SLC45A1: variants seen among roughly 807,000 people sequenced by gnomAD.
The protein encoded by SLC45A1 is solute carrier family 45 member 1, also known as proton-associated sugar transporter A.
Under a neutral mutation model 57.6 loss-of-function variants are expected in SLC45A1, and 28 were observed. That is an observed-to-expected ratio of 0.49 (90% CI 0.36 to 0.67). SLC45A1 has a LOEUF of 0.67. Among genes scored for constraint, SLC45A1 ranks in the 30% least tolerant of loss-of-function variants. The pLI is 0.00. For missense variants in SLC45A1, 814 were observed against 1,041.5 expected (o/e 0.78, Z 3.01); for synonymous variants, 459 against 471.5 (o/e 0.97, Z 0.34).
In SLC45A1 at chr1:8,335,576, T is replaced by A; in HGVS notation, c.1583T>A (p.Val528Asp). The A allele has an allele frequency of 6.2e-7, 1 of 1,603,572 alleles. No homozygotes were observed. The highest frequency in any genetic ancestry group is 8.5e-7 in the Non-Finnish European group (1 of 1,177,676). ...CCCAAGGCGCTACGCACCCTCTGCGTCAACCACTTCCTGGGTGAGCTCCCG... is the reference window on the plus strand; with the variant it reads ...CCCAAGGCGCTACGCACCCTCTGCGACAACCACTTCCTGGGTGAGCTCCCG... ...NMPKALRTLC[V>D]NHFLGWLSFE... The change falls in exon 6 of 9, where the codon GTC (valine) becomes GAC (aspartate). Residue 528 changes from valine to aspartate, a missense_variant. Transcript: ENST00000471889. The surrounding 1 kb of genome is among the most constrained non-coding windows in gnomAD (Gnocchi z 4.1).
intron 8 of SLC45A1, among the ~76,000 whole-genome samples, chr1:8,341,979 G>A (rs910067687): frequency 5.3e-5 from 8 of 152,118 alleles, no homozygotes; most frequent in African/African-American, 4.8e-5. Flanking sequence ...AGGCCAAGGA[G>A]GGTGGATCAC....
chr1:8,342,951 G>A (rs6690548), intron 8 of SLC45A1, among the ~76,000 whole-genome samples: 20,061 of 151,748 alleles, frequency 0.13, 1,911 homozygotes, highest in Non-Finnish European at 0.2. Flanking sequence ...ATGTGACCTG[G>A]ATTACTGAGT....
At chr1:8,340,456 C>A (rs181662030) in intron 8 of SLC45A1, among the ~76,000 whole-genome samples, 1 of 152,284 alleles carries the variant, frequency 6.6e-6, no homozygotes, top group Admixed American at 6.5e-5. Flanking sequence ...GCCACCGCAC[C>A]CAGCCCAAAA....
chr1:8,337,752 G>A, intron 6 of SLC45A1, 64 bp from the exon 7 acceptor site: 9 of 1,479,234 alleles, frequency 6.1e-6, no homozygotes, highest in Non-Finnish European at 8.3e-6. Flanking sequence ...ACGCATGTTG[G>A]TTAGAGAAAG....
At chr1:8,342,329 G>A (rs1028717336) in intron 8 of SLC45A1, among the ~76,000 whole-genome samples, 5 of 152,106 alleles carry the variant, frequency 3.3e-5, no homozygotes, top group East Asian at 1.9e-4. Context: ...TGCACCGTTC[G>A]GCGGTTTCAG....
rs1373303473 is a variant in SLC45A1, at chr1:8,343,204, C to T, written c.1981-543C>T. ...TGAGGGAAAGCCATGCCACCGCTCC[C>T]CACCGTCACTCTGCACAGACCACAC... On this transcript the variant is annotated intron_variant, in intron 8 of 8. Coordinates refer to ENST00000471889, the MANE Select transcript of SLC45A1 (RefSeq NM_001080397.3). The surrounding 1 kb of genome is among the most constrained non-coding windows in gnomAD (Gnocchi z 7.7). 6.6e-6 allele frequency among the ~76,000 whole-genome samples: 1 copy of T among 152,128 alleles called. No individual in the cohort carries two copies. Among genetic ancestry groups the T allele is most frequent in the Non-Finnish European group, 1.5e-5 (1 of 68,022 alleles).
Position 8,325,242 on chromosome 1 carries a change from A to G in SLC45A1, c.398-56A>G. ...CTTCAGGAATGTGGAGGCTGATTCG[A>G]TGTCCCCATGTGCCATGGGGACCCT... is the stretch of plus-strand genomic sequence containing the variant. On this transcript the variant is annotated intron_variant, in intron 2 of 8. Transcript: ENST00000471889. This position sits in a 1 kb window ranked among gnomAD's most constrained non-coding sequence, Gnocchi z 6.3. The G allele has an allele frequency of 9.0e-7, 1 of 1,112,558 alleles. No individual in the cohort carries two copies. The highest frequency in any genetic ancestry group is 1.4e-6 in the Non-Finnish European group (1 of 732,114). The allele number at this position is 1,112,558 out of a possible 1,614,324, so 68.9% of individuals were successfully genotyped here. A position where few individuals can be genotyped will look rare whatever the true frequency, so the allele number is the denominator to read the frequency against.
intron 5 of SLC45A1, among the ~76,000 whole-genome samples, chr1:8,331,204 C>T (rs947446009): frequency 2.0e-5 from 3 of 151,950 alleles, no homozygotes; most frequent in South Asian, 2.1e-4. Flanking sequence ...GGCGAAACCC[C>T]GTCTCTACTT....
At chr1:8,338,684 C>T (rs1025025295) in intron 7 of SLC45A1, among the ~76,000 whole-genome samples, 6 of 152,252 alleles carry the variant, frequency 3.9e-5, no homozygotes, top group East Asian at 1.9e-4. Context: ...GCGTGCCAAG[C>T]GCCAATCAAA....
chr1:8,333,441 T>C (rs976799030), intron 5 of SLC45A1, among the ~76,000 whole-genome samples: 2 of 151,720 alleles, frequency 1.3e-5, no homozygotes, highest in African/African-American at 2.4e-5. Context: ...CCGGCCTTGT[T>C]TGGTTTTGTT....
rs1348420719 is a variant in SLC45A1 at position 8,335,303 on chromosome 1, C to A, written c.1444-134C>A. 1 of 854,204 alleles carries A rather than the reference C, an allele frequency of 1.2e-6. No homozygotes were observed. Among genetic ancestry groups the A allele is most frequent in the Non-Finnish European group, 1.7e-6 (1 of 583,652 alleles). The allele number at this position is 854,204 out of a possible 1,614,324, so 52.9% of individuals were successfully genotyped here. ...GGTTGGCGTCGACACGGGGCTCATG[C>A]CGTCAGATAAGAAGACAGACCCTTG... On this transcript the variant is annotated intron_variant, in intron 5 of 8. Coordinates refer to ENST00000471889, the MANE Select transcript of SLC45A1 (RefSeq NM_001080397.3). This position sits in a 1 kb window ranked among gnomAD's most constrained non-coding sequence, Gnocchi z 4.1.
In SLC45A1 at chr1:8,339,683, C is replaced by T. The variant is rs1398968682; in HGVS notation, c.1965C>T (p.Tyr655=). ...TGCCTTACTCGCTGCTCTGCGATTA[C>T]TATCAGAGTAAGAAGGTAAGTGCTC... ...CTLPYSLLCD[Y]YQSKKFAGSS... The change falls in exon 8 of 9, where the codon TAC becomes TAT. Residue 655 remains tyrosine, a synonymous_variant. Coordinates refer to ENST00000471889, the MANE Select transcript of SLC45A1 (RefSeq NM_001080397.3). 2 of 1,614,064 alleles carry T rather than the reference C, an allele frequency of 1.2e-6. No individual in the cohort carries two copies. The highest frequency in any genetic ancestry group is 1.7e-6 in the Non-Finnish European group (2 of 1,179,872).
At chr1:8,333,705 G>C (rs1481284799) in intron 5 of SLC45A1, among the ~76,000 whole-genome samples, 1 of 152,220 alleles carries the variant, frequency 6.6e-6, no homozygotes, top group Admixed American at 6.5e-5. Flanking sequence ...AAGGTGCTGG[G>C]ATTCCAGGCG....
At chr1:8,321,133 C>T (rs1345346825) in intron 1 of SLC45A1, among the ~76,000 whole-genome samples, 1 of 152,154 alleles carries the variant, frequency 6.6e-6, no homozygotes, top group African/African-American at 2.4e-5. Context: ...TGCCAATCAC[C>T]AGGTTTTACC....
chr1:8,331,274 A>T (rs1003928099), intron 5 of SLC45A1, among the ~76,000 whole-genome samples: 30 of 149,744 alleles, frequency 2.0e-4, no homozygotes, highest in African/African-American at 6.9e-4. Context: ...AAACACTTTT[A>T]AAAAATATTT....
chr1:8,326,544 T>C lies in SLC45A1; in HGVS notation c.715+502T>C, dbSNP rs752764462. ...CTCAAGCCTGAACGAAGCGTCACTG[T>C]CGCATGCATTTTCTGCACAAGGCAC... On this transcript the variant is annotated intron_variant, in intron 4 of 8. Transcript: ENST00000471889. The surrounding 1 kb of genome is among the most constrained non-coding windows in gnomAD (Gnocchi z 5.5). Among the ~76,000 whole-genome samples, 12 of 152,196 alleles carry C rather than the reference T, an allele frequency of 7.9e-5. No individual in the cohort carries two copies. The highest frequency in any genetic ancestry group is 2.1e-4 in the South Asian group (1 of 4,832).
chr1:8,332,138 G>A (rs555820527), intron 5 of SLC45A1, among the ~76,000 whole-genome samples: 14 of 152,294 alleles, frequency 9.2e-5, no homozygotes, highest in Middle Eastern at 3.4e-3. Flanking sequence ...AATTCAGGCC[G>A]GGCCTGTCCT....
chr1:8,322,179 GTGGATGGA>G (rs1640040864), intron 1 of SLC45A1, among the ~76,000 whole-genome samples: 2 of 99,220 alleles, frequency 2.0e-5, no homozygotes, highest in African/African-American at 3.6e-5. Flanking sequence ...GGATGGGTGG[GTGGATGGA>G]TGGATGGATG....
Position 8,335,713 on chromosome 1 carries a change from C to A in SLC45A1, c.1597+123C>A. 1 of 1,127,800 alleles carries A rather than the reference C, an allele frequency of 8.9e-7. No individual in the cohort carries two copies. The highest frequency in any genetic ancestry group is 1.2e-6 in the Non-Finnish European group (1 of 822,548). The allele number at this position is 1,127,800 out of a possible 1,614,324, so 69.9% of individuals were successfully genotyped here. On this transcript the variant is annotated intron_variant, in intron 6 of 8. Coordinates refer to ENST00000471889, the MANE Select transcript of SLC45A1 (RefSeq NM_001080397.3). The surrounding 1 kb of genome is among the most constrained non-coding windows in gnomAD (Gnocchi z 4.1). ...CCTTTCTGAGTTCACCAGCCCCCAA[C>A]AACAGCACCAAGGGCAGGCCTGGGG...
Sources: gnomAD v4.1 joint callset for allele counts (sites outside exome capture counted in the v4.1 genomes callset) on GRCh38, gnomAD v4.1.1 for gene constraint, Gnocchi (gnomAD v3.1) non-coding constraint, MANE v1.5 for transcripts, NCBI Gene and HGNC (gene_info 2026-07-23, HGNC 2026-07-21) for gene names.